Variants in RELN observed in about 807,000 individuals in gnomAD.
The protein encoded by RELN is reelin.
A neutral mutation model predicts 427.6 loss-of-function variants in RELN; 108 were observed. That is an observed-to-expected ratio of 0.25 (90% confidence interval 0.22 to 0.30). The LOEUF (loss-of-function observed/expected upper bound fraction) is 0.30. Ranked by LOEUF, RELN falls within the 10% of genes least tolerant of loss-of-function variation. The pLI is 1.00. For missense variants in RELN, 3,715 were observed against 4,302.8 expected (o/e 0.86, Z 3.82); for synonymous variants, 1,524 against 1,513.4 (o/e 1.01, Z -0.16).
chr7:103,973,379 A>T (rs1224148238), intron 1 of RELN, among the ~76,000 whole-genome samples: 1 of 152,246 alleles, frequency 6.6e-6, no homozygotes, highest in African/African-American at 2.4e-5. Context: ...ATAGTAAGAT[A>T]AGAAAAATAT....
intron 4 of RELN, among the ~76,000 whole-genome samples, chr7:103,771,060 C>A (rs557214079): frequency 6.6e-6 from 1 of 151,820 alleles, no homozygotes; most frequent in South Asian, 2.1e-4. Context: ...GGACTACAGG[C>A]ACCTGCCACC....
At chr7:103,877,847 T>A (rs543165089) in intron 2 of RELN, among the ~76,000 whole-genome samples, 3 of 142,528 alleles carry the variant, frequency 2.1e-5, no homozygotes, top group East Asian at 4.4e-4. Flanking sequence ...CTTTTCTCTG[T>A]CTCTCCCTGC....
At chr7:103,545,083 T>A in intron 42 of RELN, 41 bp downstream of exon 42, 3 of 1,503,384 alleles carry the variant, frequency 2.0e-6, no homozygotes, top group Non-Finnish European at 2.8e-6. Flanking sequence ...AACATATAAG[T>A]TCTTTCACAA....
intron 3 of RELN, among the ~76,000 whole-genome samples, chr7:103,796,922 AAAGT>A (rs1792317277): frequency 6.6e-6 from 1 of 151,306 alleles, no homozygotes; most frequent in South Asian, 2.1e-4. Flanking sequence ...AAAGAAAAAG[AAAGT>A]AAGGATACAT....
Position 103,491,975 on chromosome 7 carries a change from G to C in RELN, c.9421C>G (p.Leu3141Val). The stretch of plus-strand genomic sequence containing the variant: ...AACCTTGCATCCTTAGTGTATTCCA[G>C]CATTACGGAATGAAGGTCACCACAA... ...TSCGDLHSVM[L>V]EYTKDARSDS... Residue 3141 changes from leucine to valine, a missense_variant, in exon 58 of 65, where the codon CTG becomes GTG. Coordinates refer to ENST00000428762, the MANE Select transcript of RELN (RefSeq NM_005045.4). 1 of 1,612,770 alleles carries C rather than the reference G, an allele frequency of 6.2e-7. No homozygotes were observed. Among genetic ancestry groups the C allele is most frequent in the South Asian group, 1.1e-5 (1 of 90,898 alleles).
intron 4 of RELN, among the ~76,000 whole-genome samples, chr7:103,772,978 T>C (rs189979466): frequency 6.6e-6 from 1 of 152,062 alleles, no homozygotes; most frequent in Non-Finnish European, 1.5e-5. Context: ...AAAGGCACCA[T>C]GAAAATAGGA....
chr7:103,566,886 A>T, intron 31 of RELN, 127 bp from the exon 32 acceptor site: 1 of 876,546 alleles, frequency 1.1e-6, no homozygotes. Flanking sequence ...CATTTGTGTA[A>T]CTTCCAAGGA....
intron 6 of RELN, among the ~76,000 whole-genome samples, chr7:103,743,305 A>C (rs893765797): frequency 2.6e-5 from 4 of 152,210 alleles, no homozygotes; most frequent in Non-Finnish European, 4.4e-5. Context: ...CCACTGCAAA[A>C]ACATGCCAAA....
intron 4 of RELN, among the ~76,000 whole-genome samples, chr7:103,755,905 T>C (rs899756131): frequency 5.9e-5 from 9 of 151,480 alleles, no homozygotes; most frequent in South Asian, 2.1e-4. Flanking sequence ...TGTTATAAAG[T>C]GTTAAAAAGA....
At chr7:103,736,675 C>T (rs904038096) in intron 6 of RELN, among the ~76,000 whole-genome samples, 3 of 152,170 alleles carry the variant, frequency 2.0e-5, no homozygotes, top group Admixed American at 2.0e-4. Context: ...TGACCTCCTA[C>T]TATGGTAAAT....
chr7:103,706,642 CT>C (rs111427985), intron 8 of RELN, among the ~76,000 whole-genome samples: 12,243 of 149,478 alleles, frequency 0.082, 1,358 homozygotes, highest in African/African-American at 0.26. Flanking sequence ...GTTTCTTTAT[CT>C]TTTTTTTTTC....
intron 1 of RELN, among the ~76,000 whole-genome samples, chr7:103,934,335 C>T (rs1795932733): frequency 6.6e-6 from 1 of 152,124 alleles, no homozygotes; most frequent in East Asian, 1.9e-4. Context: ...AATTGCATGC[C>T]TGCCAGACAC....
At chr7:103,832,950 A>G (rs1342628253) in intron 3 of RELN, among the ~76,000 whole-genome samples, 1 of 152,142 alleles carries the variant, frequency 6.6e-6, no homozygotes, top group Non-Finnish European at 1.5e-5. Flanking sequence ...TCATTTTCCA[A>G]TTGCTCTGAT....
chr7:103,749,302 C>T, intron 6 of RELN, 124 bp downstream of exon 6: 1 of 783,726 alleles, frequency 1.3e-6, no homozygotes, highest in South Asian at 1.4e-5. Flanking sequence ...CATAGCTTAA[C>T]AAGTCTCACT....
chr7:103,548,218 T>A (rs559311007), intron 41 of RELN, among the ~76,000 whole-genome samples: 1 of 152,356 alleles, frequency 6.6e-6, no homozygotes, highest in South Asian at 2.1e-4. Flanking sequence ...ATGGACTATA[T>A]ATGTAGAAGG....
intron 4 of RELN, among the ~76,000 whole-genome samples, chr7:103,773,816 C>T (rs1791668823): frequency 6.6e-6 from 1 of 152,068 alleles, no homozygotes; most frequent in Admixed American, 6.5e-5. Flanking sequence ...GGTCTACCTT[C>T]CTGGGATGCC....
At chr7:103,553,950 C>T (rs1830470042) in intron 38 of RELN, 119 bp from the exon 39 acceptor site, 2 of 802,848 alleles carry the variant, frequency 2.5e-6, no homozygotes, top group Admixed American at 2.0e-5. Context: ...AAACATATGC[C>T]TTCTACAGGA....
At chr7:103,744,342 C>A (rs1562986380) in intron 6 of RELN, among the ~76,000 whole-genome samples, 1 of 151,728 alleles carries the variant, frequency 6.6e-6, no homozygotes, top group African/African-American at 2.4e-5. Flanking sequence ...CCTAACATCA[C>A]AATTAAAAGA....
intron 25 of RELN, 48 bp downstream of exon 25, chr7:103,596,408 T>C: frequency 6.7e-7 from 1 of 1,494,570 alleles, no homozygotes; most frequent in African/African-American, 1.4e-5. Context: ...TGATTTAACC[T>C]TTACCATTCC....
Sources: gnomAD v4.1 joint callset for allele counts (sites outside exome capture counted in the v4.1 genomes callset) on GRCh38, gnomAD v4.1.1 for gene constraint, MANE v1.5 for transcripts, NCBI Gene and HGNC (gene_info 2026-07-23, HGNC 2026-07-21) for gene names.